Variants in GALNT13 observed in about 807,000 individuals in gnomAD.
GALNT13 encodes polypeptide N-acetylgalactosaminyltransferase 13, also known as UDP-GalNAc:polypeptide N-acetylgalactosaminyltransferase 13.
In GALNT13, 28 loss-of-function variants were observed where a neutral mutation model predicts 64.2. That is an observed-to-expected ratio of 0.44 (90% CI 0.32 to 0.60). The LOEUF (loss-of-function observed/expected upper bound fraction) is 0.60. GALNT13 is among the 20% of genes least tolerant of loss of function. GALNT13 has a pLI of 0.05. For missense variants in GALNT13, 577 were observed against 669.8 expected, an observed-to-expected ratio of 0.86 and a Z score of 1.53; for synonymous variants, 214 against 224.6, an observed-to-expected ratio of 0.95 and a Z score of 0.42.
chr2:154,423,080 A>C, intron 11 of GALNT13, among the ~76,000 whole-genome samples: 1 of 99,278 alleles, frequency 1.0e-5, no homozygotes, highest in African/African-American at 4.0e-5. Context: ...ACCCCACAAC[A>C]GGCCCTGGTG....
At chr2:154,404,562 C>T (rs907581926) in intron 10 of GALNT13, among the ~76,000 whole-genome samples, 4 of 152,072 alleles carry the variant, frequency 2.6e-5, no homozygotes, top group African/African-American at 9.7e-5. Flanking sequence ...CTAATAGATA[C>T]TCATGAGAAA....
chr2:153,289,896 C>A, the GALNT13 span, among the ~76,000 whole-genome samples: 2 of 152,036 alleles, frequency 1.3e-5, no homozygotes, highest in Non-Finnish European at 2.9e-5. Flanking sequence ...ATTGAGAGGC[C>A]ATATAGCATG....
At chr2:154,098,688 C>T (rs1402976791) in intron 3 of GALNT13, among the ~76,000 whole-genome samples, 2 of 151,862 alleles carry the variant, frequency 1.3e-5, no homozygotes, top group Admixed American at 6.6e-5. Context: ...TTTGATTTTG[C>T]GTTTGAGATA....
At chr2:153,400,201 G>C in the GALNT13 span, among the ~76,000 whole-genome samples, 1 of 150,570 alleles carries the variant, frequency 6.6e-6, no homozygotes, top group African/African-American at 2.4e-5. Flanking sequence ...TTTTGTCTTT[G>C]GCTCTGTTTA....
chr2:154,067,566 G>A (rs1419367303), intron 3 of GALNT13, among the ~76,000 whole-genome samples: 3 of 152,044 alleles, frequency 2.0e-5, no homozygotes, highest in Non-Finnish European at 4.4e-5. Context: ...TGATAAATGG[G>A]TCAATTTAGC....
chr2:153,226,775 T>A, the GALNT13 span, among the ~76,000 whole-genome samples: 1 of 152,100 alleles, frequency 6.6e-6, no homozygotes, highest in Non-Finnish European at 1.5e-5. Context: ...GAACATTAGG[T>A]AAAAATGACA....
the GALNT13 span, among the ~76,000 whole-genome samples, chr2:153,328,866 C>T: frequency 1.3e-5 from 2 of 152,068 alleles, no homozygotes; most frequent in African/African-American, 4.8e-5. Flanking sequence ...AAAAAAAACT[C>T]TTGCAGCTAT....
At chr2:153,716,663 G>A in the GALNT13 span, among the ~76,000 whole-genome samples, 1 of 152,084 alleles carries the variant, frequency 6.6e-6, no homozygotes, top group African/African-American at 2.4e-5. Flanking sequence ...TCATTCCAAT[G>A]ACCACCAAAG....
the GALNT13 span, among the ~76,000 whole-genome samples, chr2:153,463,016 C>G: frequency 6.6e-6 from 1 of 151,956 alleles, no homozygotes; most frequent in Non-Finnish European, 1.5e-5. Flanking sequence ...TTACTCTTAT[C>G]CCGAGGAAAG....
At chr2:153,240,659 G>A in the GALNT13 span, among the ~76,000 whole-genome samples, 1 of 152,146 alleles carries the variant, frequency 6.6e-6, no homozygotes, top group African/African-American at 2.4e-5. Context: ...ATGTTTGTCT[G>A]TAGCTTCATG....
At chr2:154,109,353 A>G (rs66867563) in intron 3 of GALNT13, among the ~76,000 whole-genome samples, 7,700 of 152,032 alleles carry the variant, frequency 0.051, 261 homozygotes, top group South Asian at 0.11. Context: ...GCTTTACAGT[A>G]TTTACATATT....
the GALNT13 span, among the ~76,000 whole-genome samples, chr2:153,458,642 G>C: frequency 6.6e-6 from 1 of 152,184 alleles, no homozygotes; most frequent in Middle Eastern, 3.4e-3. Context: ...CAGATTCTAG[G>C]CTTCATATTT....
chr2:154,215,932 G>A (rs1161017320), intron 4 of GALNT13, among the ~76,000 whole-genome samples: 2 of 151,770 alleles, frequency 1.3e-5, no homozygotes, highest in African/African-American at 4.8e-5. Flanking sequence ...TAGGGAAAAC[G>A]AACTCTTATA....
intron 4 of GALNT13, among the ~76,000 whole-genome samples, chr2:154,174,464 AT>A (rs924767334): frequency 3.9e-5 from 6 of 152,136 alleles, no homozygotes; most frequent in African/African-American, 1.4e-4. Context: ...AAATCTGAGG[AT>A]TTTTTAAGCT....
At chr2:153,578,574 G>T in the GALNT13 span, among the ~76,000 whole-genome samples, 11,655 of 152,210 alleles carry the variant, frequency 0.077, 802 homozygotes, top group African/African-American at 0.18. Context: ...AATAAAGAGC[G>T]TAAGATCTAA....
the GALNT13 span, among the ~76,000 whole-genome samples, chr2:153,792,467 T>G: frequency 6.6e-6 from 1 of 152,204 alleles, no homozygotes; most frequent in African/African-American, 2.4e-5. Flanking sequence ...TTATAGATTT[T>G]GGTATTCACA....
intron 4 of GALNT13, among the ~76,000 whole-genome samples, chr2:154,216,792 TTCTC>T (rs1210625679): frequency 4.0e-5 from 6 of 148,966 alleles, no homozygotes; most frequent in African/African-American, 4.9e-5. Context: ...TTACTTTCAT[TTCTC>T]TCTCTCTTTT....
chr2:154,022,973 C>T (rs13015300), intron 3 of GALNT13, among the ~76,000 whole-genome samples: 31,051 of 152,122 alleles, frequency 0.2, 4,083 homozygotes, highest in Middle Eastern at 0.33. Context: ...CATTCAGGAG[C>T]AGGTCGTTCA....
the GALNT13 span, among the ~76,000 whole-genome samples, chr2:153,117,796 C>T: frequency 6.6e-6 from 1 of 152,150 alleles, no homozygotes; most frequent in African/African-American, 2.4e-5. Flanking sequence ...CTCCCTTCCA[C>T]TAACTTGGTT....
Sources: gnomAD v4.1 joint callset for allele counts (sites outside exome capture counted in the v4.1 genomes callset) on GRCh38, gnomAD v4.1.1 for gene constraint, MANE v1.5 for transcripts, NCBI Gene and HGNC (gene_info 2026-07-23, HGNC 2026-07-21) for gene names.